Variants in SRPK1 observed in about 807,000 individuals in gnomAD.
The protein encoded by SRPK1 is SFRS protein kinase 1.
SRPK1 carries 52 observed loss-of-function variants against 89.5 expected under a neutral mutation model. The ratio of observed to expected loss-of-function variants is 0.58; its 90% CI spans 0.46 to 0.73. The LOEUF is 0.73. Among genes scored for constraint, SRPK1 ranks in the 30% least tolerant of loss-of-function variants. The pLI is 0.00. For missense variants in SRPK1, 603 were observed against 780.6 expected (o/e 0.77, Z 2.71); for synonymous variants, 255 against 270.2 (o/e 0.94, Z 0.55).
At chr6:35,856,832 T>C (rs975140094) in intron 13 of SRPK1, 2 of 155,700 alleles carry the variant, frequency 1.3e-5, no homozygotes, top group African/African-American at 4.8e-5. Flanking sequence ...AATCTATGAA[T>C]GATTGGGATT....
intron 13 of SRPK1, among the ~76,000 whole-genome samples, chr6:35,854,210 C>CA (rs1769619278): frequency 6.6e-6 from 1 of 152,148 alleles, no homozygotes; most frequent in Admixed American, 6.5e-5. Context: ...CTCAGCCTCC[C>CA]AAAGTGCTGG....
intron 13 of SRPK1, among the ~76,000 whole-genome samples, chr6:35,848,737 A>C (rs904678215): frequency 2.0e-5 from 3 of 152,240 alleles, no homozygotes; most frequent in African/African-American, 7.2e-5. Flanking sequence ...CAAAATTGCC[A>C]AGAATACAGA....
At position 35,833,265 on chromosome 6, in the gene SRPK1, T is replaced by A. The variant is rs1021612188; in HGVS notation, c.*2039A>T. On this transcript the variant is annotated 3_prime_UTR_variant, in exon 16 of 16. Coordinates refer to ENST00000373825, the MANE Select transcript of SRPK1 (RefSeq NM_003137.5). ...GCCTATTTCCACATCTTTCAATCCA[T>A]CTGGCTCCTTAAATAGGGGAAAAAG... 2.6e-5 allele frequency: 4 copies of A among 152,594 alleles called. No homozygotes were observed. Among genetic ancestry groups the A allele is most frequent in the Non-Finnish European group, 4.4e-5 (3 of 68,026 alleles). 9.5% of individuals were successfully genotyped at this position (152,594 alleles called of 1,614,324 possible).
In SRPK1 at chr6:35,868,366, ATAAC is replaced by A. The variant is rs560281498; in HGVS notation, c.1512+640_1512+643del. On this transcript the variant is annotated intron_variant, in intron 12 of 15. Transcript: ENST00000373825. ...TATTTCTAATTACATGTCATTACGA[ATAAC>A]TAAAAATAAGTTAAATGACACTATA... Among the ~76,000 whole-genome samples, 738 of 152,336 alleles carry A rather than the reference ATAAC, an allele frequency of 4.8e-3. 9 individuals are homozygous for A. The highest frequency in any genetic ancestry group is 0.017 in the African/African-American group (709 of 41,568).
intron 13 of SRPK1, among the ~76,000 whole-genome samples, chr6:35,853,267 T>C (rs948777116): frequency 6.6e-6 from 1 of 151,344 alleles, no homozygotes; most frequent in Non-Finnish European, 1.5e-5. Context: ...CAAGACCCCA[T>C]CCCTAAAAAA....
chr6:35,893,770 T>C (rs1433664499), intron 2 of SRPK1, among the ~76,000 whole-genome samples: 1 of 152,118 alleles, frequency 6.6e-6, no homozygotes, highest in African/African-American at 2.4e-5. Context: ...GGCTAATGCC[T>C]ATAGTCCCAG....
chr6:35,835,680 C>T (rs16881509), intron 15 of SRPK1, among the ~76,000 whole-genome samples, 192 bp from the exon 16 acceptor site: 3,204 of 152,218 alleles, frequency 0.021, 105 homozygotes, highest in African/African-American at 0.069. Context: ...ATTCTTCATA[C>T]GGCTCCAAAA....
Position 35,869,697 on chromosome 6 carries a change from C to T in SRPK1, c.1196G>A (p.Ser399Asn). Residue 399 changes from serine to asparagine, a missense_variant, in exon 11 of 16, where the codon AGC becomes AAC. Coordinates refer to ENST00000373825, the MANE Select transcript of SRPK1 (RefSeq NM_003137.5). ...QNLNQESSFL[S>N]SQNGDSSTSQ... ...TGTGCTGCTGTCTCCATTTTGGGAG[C>T]TTAGGAAACTAGATTCCTGATTCAA... 1 of 1,613,816 alleles carries T rather than the reference C, an allele frequency of 6.2e-7. No homozygotes were observed. Among genetic ancestry groups the T allele is most frequent in the Non-Finnish European group, 8.5e-7 (1 of 1,179,748 alleles).
At chr6:35,857,795 C>T (rs1769697165) in intron 12 of SRPK1, among the ~76,000 whole-genome samples, 1 of 152,176 alleles carries the variant, frequency 6.6e-6, no homozygotes, top group South Asian at 2.1e-4. Context: ...TTGCAATTTA[C>T]TATACTTGTC....
intron 2 of SRPK1, among the ~76,000 whole-genome samples, chr6:35,906,680 T>C (rs1770854456): frequency 6.6e-6 from 1 of 152,204 alleles, no homozygotes; most frequent in Non-Finnish European, 1.5e-5. Flanking sequence ...TCAAGGGGTA[T>C]GACTGCTAAT....
Position 35,869,533 on chromosome 6 carries a change from G to C in SRPK1, c.1360C>G (p.Pro454Ala), listed in dbSNP as rs760575974. 2.5e-6 allele frequency: 4 copies of C among 1,613,934 alleles called. No homozygotes were observed. The South Asian group carries it at 4.4e-5, about 18-fold the overall frequency. The change falls in exon 11 of 16, where the codon CCC becomes GCC. Residue 454 changes from proline (P) to alanine (A), a missense_variant. Pro to Ala is a conservative substitution (Grantham distance 27). Transcript: ENST00000373825. ...TCTTGCTCTTGTTCATCTTCACAGG[G>C]TATCTCTGCCCGAATGCTTTCTTGA... ...QLQESIRAEI[P>A]CEDEQEQEHN...
intron 2 of SRPK1, among the ~76,000 whole-genome samples, chr6:35,896,133 A>G (rs368495134): frequency 6.6e-6 from 1 of 152,246 alleles, no homozygotes; most frequent in African/African-American, 2.4e-5. Context: ...AGTTGATCAG[A>G]AGCACAGGTA....
intron 13 of SRPK1, among the ~76,000 whole-genome samples, chr6:35,849,426 T>C (rs898611655): frequency 1.3e-5 from 2 of 152,182 alleles, no homozygotes; most frequent in African/African-American, 2.4e-5. Flanking sequence ...TAAAACTATA[T>C]GGAGGTTCTT....
intron 2 of SRPK1, among the ~76,000 whole-genome samples, chr6:35,897,566 G>A (rs1770650708): frequency 6.6e-6 from 1 of 152,200 alleles, no homozygotes; most frequent in Non-Finnish European, 1.5e-5. Flanking sequence ...CCAGGCTGCA[G>A]TGCAGTGGTG....
intron 11 of SRPK1, 148 bp from the exon 12 acceptor site, chr6:35,869,258 C>T (rs1769978606): frequency 2.3e-6 from 2 of 861,402 alleles, no homozygotes; most frequent in Non-Finnish European, 3.5e-6. Context: ...CACAGCAACG[C>T]CTTGAGTTTC....
intron 2 of SRPK1, among the ~76,000 whole-genome samples, chr6:35,897,392 G>A (rs915404288): frequency 1.3e-5 from 2 of 152,190 alleles, no homozygotes; most frequent in Non-Finnish European, 2.9e-5. Context: ...AGATGTGCAC[G>A]TCTATCCAAC....
intron 13 of SRPK1, among the ~76,000 whole-genome samples, chr6:35,849,950 G>A (rs1344072074): frequency 6.6e-6 from 1 of 152,100 alleles, no homozygotes; most frequent in Non-Finnish European, 1.5e-5. Flanking sequence ...AGTGAAATAA[G>A]CCAGGGACAG....
intron 2 of SRPK1, among the ~76,000 whole-genome samples, chr6:35,915,164 G>A (rs973365200): frequency 6.6e-6 from 1 of 152,130 alleles, no homozygotes; most frequent in Non-Finnish European, 1.5e-5. Flanking sequence ...GGCACTTTGG[G>A]AGGCTGAGGC....
chr6:35,864,867 G>A (rs372355393), intron 12 of SRPK1, among the ~76,000 whole-genome samples: 2 of 152,128 alleles, frequency 1.3e-5, no homozygotes, highest in African/African-American at 4.8e-5. Context: ...AAAAAAGAAT[G>A]GGATCCTGTC....
Sources: gnomAD v4.1 joint callset for allele counts (sites outside exome capture counted in the v4.1 genomes callset) on GRCh38, gnomAD v4.1.1 for gene constraint, MANE v1.5 for transcripts, NCBI Gene and HGNC (gene_info 2026-07-23, HGNC 2026-07-21) for gene names.